Variants in MMS19 observed in about 807,000 individuals in gnomAD.
MMS19 encodes the protein MMS19 nucleotide excision repair protein homolog.
In MMS19, 77 loss-of-function variants were observed where a neutral mutation model predicts 129.8. That is an observed-to-expected ratio of 0.59 (90% confidence interval 0.49 to 0.72). The LOEUF (loss-of-function observed/expected upper bound fraction) is 0.72, where lower values mean the gene tolerates loss of function less well. MMS19 is among the 30% of genes least tolerant of loss of function. MMS19 has a pLI of 0.00. For missense variants in MMS19, 1,168 were observed against 1,266.3 expected, an observed-to-expected ratio of 0.92 and a Z score of 1.18; for synonymous variants, 491 against 502.8, an observed-to-expected ratio of 0.98 and a Z score of 0.31.
intron 11 of MMS19, 39 bp downstream of exon 11, chr10:97,469,607 G>C (rs770785071): frequency 2.6e-6 from 4 of 1,527,908 alleles, no homozygotes; most frequent in Non-Finnish European, 3.6e-6. Flanking sequence ...CCTGACAATT[G>C]AAAGTTAACA....
intron 12 of MMS19, 21 bp downstream of exon 12, chr10:97,468,945 T>C: frequency 6.3e-7 from 1 of 1,576,212 alleles, no homozygotes; most frequent in South Asian, 1.2e-5. Flanking sequence ...CTCCCCTTCC[T>C]GGCTGCCACG....
intron 19 of MMS19, among the ~76,000 whole-genome samples, chr10:97,463,163 G>GTTTTTTTTTTTT (rs11369236): frequency 7.7e-6 from 1 of 129,242 alleles, no homozygotes. Context: ...CTGTGAAACA[G>GTTTTTTTTTTTT]TTTTTTTTTT....
chr10:97,474,132 C>CAAA (rs780173105), intron 8 of MMS19, among the ~76,000 whole-genome samples: 1 of 57,234 alleles, frequency 1.7e-5, no homozygotes, highest in African/African-American at 6.5e-5. Context: ...CAGCCTGCCT[C>CAAA]AAAAAAAAAA....
chr10:97,464,420 T>C (rs1053386987), intron 18 of MMS19, among the ~76,000 whole-genome samples: 4 of 152,224 alleles, frequency 2.6e-5, no homozygotes, highest in Admixed American at 6.5e-5. Context: ...ATGTAACAGC[T>C]GCTGGATCAA....
At chr10:97,459,766 G>A (rs1174887595) in intron 26 of MMS19, 25 bp from the exon 27 acceptor site, 2 of 1,540,534 alleles carry the variant, frequency 1.3e-6, no homozygotes, top group Non-Finnish European at 1.8e-6. Flanking sequence ...AAGGCTTAGG[G>A]GAGAAATTGG....
intron 25 of MMS19, 108 bp downstream of exon 25, chr10:97,460,585 GAA>G: frequency 2.1e-6 from 2 of 969,162 alleles, no homozygotes; most frequent in South Asian, 2.9e-5. Context: ...AAAGAAAAAA[GAA>G]AAGAAAACAA....
In MMS19 at chr10:97,458,481, C is replaced by T. The variant is rs1250534824; in HGVS notation, c.*211G>A. The T allele has an allele frequency of 7.0e-6, 4 of 573,890 alleles. No individual in the cohort carries two copies. The highest frequency in any genetic ancestry group is 3.2e-5 in the Admixed American group (1 of 31,324). 35.5% of individuals were successfully genotyped at this position (573,890 alleles called of 1,614,324 possible). A position where few individuals can be genotyped will look rare whatever the true frequency, so the allele number is the denominator to read the frequency against. ...AGGACCCTAGATCTTTCTTCAAACGCAAGTGTCTCACACACACTTATTTTA... is the reference window on the plus strand; with the variant it reads ...AGGACCCTAGATCTTTCTTCAAACGTAAGTGTCTCACACACACTTATTTTA... On this transcript the variant is annotated 3_prime_UTR_variant, in exon 31 of 31. Coordinates refer to ENST00000438925, the MANE Select transcript of MMS19 (RefSeq NM_022362.5).
chr10:97,498,491 C>T (rs913658006), upstream of MMS19: 2 of 1,484,258 alleles, frequency 1.3e-6, no homozygotes, highest in Non-Finnish European at 1.8e-6. Context: ...GGGGGCGGGG[C>T]GCCGGGGTCA....
At position 97,498,268 on chromosome 10, in the gene MMS19, C is replaced by T. The variant is rs29001246; in HGVS notation, c.112+5G>A. The T allele has an allele frequency of 6.4e-7, 1 of 1,555,206 alleles. No individual in the cohort carries two copies. Among genetic ancestry groups the T allele is most frequent in the African/African-American group, 1.4e-5 (1 of 73,620 alleles). ...GCGGAAGGCGCGCGGCGCCGTCTGC[C>T]GTACCTGCAGCCACCTGGTCAGCGG... On this transcript the variant is annotated splice_donor_5th_base_variant and intron_variant, in intron 1 of 30. Coordinates refer to ENST00000438925, the MANE Select transcript of MMS19 (RefSeq NM_022362.5).
intron 1 of MMS19, among the ~76,000 whole-genome samples, chr10:97,497,548 A>G (rs568971981): frequency 2.0e-5 from 3 of 152,140 alleles, no homozygotes; most frequent in African/African-American, 7.2e-5. Flanking sequence ...AGAAGAGCAA[A>G]GTCTCAGAAC....
At chr10:97,460,867 T>A in intron 24 of MMS19, 40 bp downstream of exon 24, 1 of 1,536,740 alleles carries the variant, frequency 6.5e-7, no homozygotes, top group Middle Eastern at 1.7e-4. Context: ...CCAGACATAA[T>A]TGCCTCTCTG....
chr10:97,461,015 GGAGA>G lies in MMS19; in HGVS notation c.2312-12_2312-9del, dbSNP rs1564618121. ...ATTCATCCAGCTGCTGCCCTAAAAAGGAGAGAGGAAATGCTGACATAAAGGCTAC... is the reference window on the plus strand; with the variant it reads ...ATTCATCCAGCTGCTGCCCTAAAAAGGAGGAAATGCTGACATAAAGGCTAC... On this transcript the variant is annotated splice_polypyrimidine_tract_variant and intron_variant, in intron 23 of 30. Coordinates refer to ENST00000438925, the MANE Select transcript of MMS19 (RefSeq NM_022362.5). 4.5e-6 allele frequency: 7 copies of G among 1,547,896 alleles called. No individual in the cohort carries two copies. Among genetic ancestry groups the G allele is most frequent in the South Asian group, 1.2e-5 (1 of 83,594 alleles).
chr10:97,460,798 C>T (rs375151041), intron 24 of MMS19, 47 bp from the exon 25 acceptor site: 163 of 1,559,470 alleles, frequency 1.0e-4, no homozygotes, highest in Non-Finnish European at 1.3e-4. Flanking sequence ...CACTCAAACC[C>T]GAGAACCCTG....
intron 18 of MMS19, among the ~76,000 whole-genome samples, chr10:97,465,190 C>T (rs532019500): frequency 8.3e-5 from 12 of 143,878 alleles, no homozygotes; most frequent in Admixed American, 2.1e-4. Context: ...TTAGTAGAGA[C>T]GGGATTGCAC....
chr10:97,472,956 C>T (rs1228412437), intron 8 of MMS19, among the ~76,000 whole-genome samples: 1 of 152,114 alleles, frequency 6.6e-6, no homozygotes, highest in Non-Finnish European at 1.5e-5. Context: ...CTCCTGGCCT[C>T]AAGTGATTGT....
At chr10:97,496,707 TA>T (rs1420999975) in intron 1 of MMS19, among the ~76,000 whole-genome samples, 4 of 152,084 alleles carry the variant, frequency 2.6e-5, no homozygotes, top group Non-Finnish European at 5.9e-5. Flanking sequence ...TATATCTTCG[TA>T]GGGGGTTGGA....
At chr10:97,478,783 G>C (rs770757364) in intron 3 of MMS19, among the ~76,000 whole-genome samples, 1 of 152,064 alleles carries the variant, frequency 6.6e-6, no homozygotes, top group Non-Finnish European at 1.5e-5. Context: ...AAATAAATGA[G>C]TGTAGCTATG....
chr10:97,484,953 G>A (rs1204091337), intron 1 of MMS19, among the ~76,000 whole-genome samples: 1 of 151,808 alleles, frequency 6.6e-6, no homozygotes, highest in Non-Finnish European at 1.5e-5. Context: ...TAAGTATTTT[G>A]TATTTCTTTG....
At chr10:97,497,238 C>T (rs1392832453) in intron 1 of MMS19, among the ~76,000 whole-genome samples, 1 of 152,108 alleles carries the variant, frequency 6.6e-6, no homozygotes, top group Non-Finnish European at 1.5e-5. Flanking sequence ...TATTGCTTTG[C>T]ATCATGTTTG....
Sources: gnomAD v4.1 joint callset for allele counts (sites outside exome capture counted in the v4.1 genomes callset) on GRCh38, gnomAD v4.1.1 for gene constraint, MANE v1.5 for transcripts, NCBI Gene and HGNC (gene_info 2026-07-23, HGNC 2026-07-21) for gene names.